The following NCAPH2 variants were observed in gnomAD, a reference collection of about 807,000 sequenced individuals.
The protein encoded by NCAPH2 is condensin-2 complex subunit H2.
NCAPH2 carries 56 observed loss-of-function variants against 88.6 expected under a neutral mutation model. That is an observed-to-expected ratio of 0.63 (90% CI 0.51 to 0.79). The LOEUF is 0.79. Among genes scored for constraint, NCAPH2 ranks in the 30% least tolerant of loss-of-function variants. NCAPH2 has a pLI of 0.00. For synonymous variants in NCAPH2, 378 were observed against 313.6 expected, an observed-to-expected ratio of 1.21 and a Z score of -2.17; for missense variants, 794 against 792.0, an observed-to-expected ratio of 1.00 and a Z score of -0.03.
chr22:50,514,006 T>C (rs1194153455), intron 1 of NCAPH2, among the ~76,000 whole-genome samples: 1 of 152,012 alleles, frequency 6.6e-6, no homozygotes, highest in East Asian at 1.9e-4. Context: ...CTCAGGAAGC[T>C]TAGGCAGGGA....
chr22:50,517,289 A>T, intron 2 of NCAPH2, 138 bp from the exon 3 acceptor site: 1 of 872,892 alleles, frequency 1.1e-6, no homozygotes, highest in South Asian at 1.4e-5. Flanking sequence ...TTATTTTTGG[A>T]ACCAAAATTG....
chr22:50,509,112 T>C (rs9628170), intron 1 of NCAPH2, among the ~76,000 whole-genome samples: 13,963 of 152,174 alleles, frequency 0.092, 2,142 homozygotes, highest in African/African-American at 0.32. Context: ...GGATTTTTTT[T>C]CCCTATTTCA....
chr22:50,524,160 CCT>C lies in NCAPH2; in HGVS notation c.*789_*790del, dbSNP rs1569521573. The C allele has an allele frequency of 1.9e-6, 3 of 1,611,122 alleles. No individual in the cohort carries two copies. Among genetic ancestry groups the C allele is most frequent in the African/African-American group, 1.3e-5 (1 of 75,070 alleles). On this transcript the variant is annotated 3_prime_UTR_variant, in exon 20 of 20. Transcript: ENST00000420993. ...CTTCTGTTCGCTTTTGCTGCTGCAG[CCT>C]CTCCTTCTCAGCCCTCAGGGCCAGC... is the stretch of plus-strand genomic sequence containing the variant.
rs776321596 is a variant in NCAPH2, at chr22:50,523,110, G to T, written c.1621G>T (p.Val541Leu). The change falls in exon 19 of 20, where the codon GTG (valine) becomes TTG (leucine). Residue 541 changes from valine (V) to leucine (L), a missense_variant. Val to Leu is a conservative substitution (Grantham distance 32). Coordinates refer to ENST00000420993, the MANE Select transcript of NCAPH2 (RefSeq NM_152299.4). ...TGAGTGGTGTCCCTTTGCGGAGCTG[G>T]TGGCTGGCCAGCCGGCCTTCGAGGT... ...LNEWCPFAEL[V>L]AGQPAFEVCR... 3 of 1,613,594 alleles carry T rather than the reference G, an allele frequency of 1.9e-6. No individual in the cohort carries two copies. The highest frequency in any genetic ancestry group is 2.5e-6 in the Non-Finnish European group (3 of 1,179,808).
chr22:50,521,185 C>T (rs1023384265), intron 10 of NCAPH2, 149 bp downstream of exon 10: 7 of 835,850 alleles, frequency 8.4e-6, no homozygotes, highest in Middle Eastern at 7.2e-4. Context: ...CCCCCTCATG[C>T]GACTCTGGGC....
chr22:50,523,369 G>A lies in NCAPH2; in HGVS notation c.1812G>A (p.Gln604=). 2 of 1,546,404 alleles carry A rather than the reference G, an allele frequency of 1.3e-6. No homozygotes were observed. Among genetic ancestry groups the A allele is most frequent in the Non-Finnish European group, 1.7e-6 (2 of 1,145,010 alleles). ...CCTACGCTGCCCCCTCCATGGCCCA[G>A]CCCTGAGTGGGGAGCACCGAGGCAG... The part of the protein sequence containing the change: ...FQTYAAPSMA[Q]P The change falls in exon 20 of 20, where the codon CAG becomes CAA. Residue 604 remains glutamine (Q), a synonymous_variant. Transcript: ENST00000420993.
chr22:50,518,607 A>G, intron 7 of NCAPH2, 42 bp from the exon 8 acceptor site: 1 of 1,553,682 alleles, frequency 6.4e-7, no homozygotes, highest in Non-Finnish European at 8.7e-7. Context: ...ACCATCTTGG[A>G]GAGGGGCTGG....
At chr22:50,511,879 C>A (rs1281121063) in intron 1 of NCAPH2, among the ~76,000 whole-genome samples, 1 of 152,106 alleles carries the variant, frequency 6.6e-6, no homozygotes, top group Non-Finnish European at 1.5e-5. Context: ...GGTCTCCTGA[C>A]CTCGTGATCC....
chr22:50,513,524 C>T (rs868766596), intron 1 of NCAPH2, among the ~76,000 whole-genome samples: 29 of 152,170 alleles, frequency 1.9e-4, no homozygotes, highest in Middle Eastern at 3.2e-3. Flanking sequence ...TTTGGGAGGC[C>T]GAGGCAGGAG....
rs773443373 is a variant in NCAPH2, at chr22:50,519,209, G to C, written c.750G>C (p.Pro250=). The change falls in exon 9 of 20, where the codon CCG becomes CCC. Residue 250 remains proline (P), a synonymous_variant. Transcript: ENST00000420993. ...SQEPGPSPEG[P]MPLGGGEDED... ...GCCTAGGCCCCTCTCCAGAAGGCCCGATGCCCCTGGGTGGGGGCGAGGACG... is the reference window on the plus strand; with the variant it reads ...GCCTAGGCCCCTCTCCAGAAGGCCCCATGCCCCTGGGTGGGGGCGAGGACG... 5.0e-6 allele frequency: 8 copies of C among 1,610,246 alleles called. No homozygotes were observed. The Admixed American group carries it at 1.2e-4, about 24-fold the overall frequency.
At chr22:50,508,561 C>T (rs1389232906) in intron 1 of NCAPH2, 116 bp downstream of exon 1, 1 of 702,010 alleles carries the variant, frequency 1.4e-6, no homozygotes, top group Non-Finnish European at 2.1e-6. Flanking sequence ...CTATCTGGCG[C>T]TCTGGCCGCG....
rs754244877 is a variant in NCAPH2 at position 50,518,652 on chromosome 22, C to G, written c.650C>G (p.Thr217Ser). The stretch of plus-strand genomic sequence containing the variant: ...GTCTGATCCCTGTCTCTCCCAGACA[C>G]CGGGAGGACTGAGGAGCAGCCAATG... ...VSPMPGTQKD[T>S]GRTEEQPMEV... Residue 217 changes from threonine (T) to serine (S), a missense_variant, in exon 8 of 20, where the codon ACC (threonine) becomes AGC (serine). Coordinates refer to ENST00000420993, the MANE Select transcript of NCAPH2 (RefSeq NM_152299.4). 6.2e-7 allele frequency: 1 copy of G among 1,606,374 alleles called. No homozygotes were observed. The highest frequency in any genetic ancestry group is 1.7e-5 in the Admixed American group (1 of 59,228).
Position 50,508,547 on chromosome 22 carries a change from A to G in NCAPH2, c.108+102A>G, listed in dbSNP as rs935984478. 4 of 832,486 alleles carry G rather than the reference A, an allele frequency of 4.8e-6. No individual in the cohort carries two copies. The African/African-American group carries it at 5.5e-5, about 11-fold the overall frequency. 51.6% of individuals were successfully genotyped at this position (832,486 alleles called of 1,614,324 possible). A position where few individuals can be genotyped will look rare whatever the true frequency, so the allele number is the denominator to read the frequency against. ...TGGGCGCCCCACCGTCTCCACGCCTATGGCTATCTGGCGCTCTGGCCGCGC... is the reference window on the plus strand; with the variant it reads ...TGGGCGCCCCACCGTCTCCACGCCTGTGGCTATCTGGCGCTCTGGCCGCGC... On this transcript the variant is annotated intron_variant, in intron 1 of 19. Transcript: ENST00000420993.
At chr22:50,516,704 A>C (rs974587171) in intron 2 of NCAPH2, among the ~76,000 whole-genome samples, 156 bp downstream of exon 2, 1 of 152,138 alleles carries the variant, frequency 6.6e-6, no homozygotes, top group African/African-American at 2.4e-5. Flanking sequence ...CAACACCAAG[A>C]ACAATTTTTA....
chr22:50,516,681 C>T (rs1016878066), intron 2 of NCAPH2, 133 bp downstream of exon 2: 5 of 709,382 alleles, frequency 7.0e-6, no homozygotes, highest in Non-Finnish European at 1.2e-5. Flanking sequence ...TCAGCCAATT[C>T]CTCAGCACCT....
Position 50,521,859 on chromosome 22 carries a change from G to A in NCAPH2, c.1108+11G>A. On this transcript the variant is annotated intron_variant, in intron 12 of 19. Transcript: ENST00000420993. The stretch of plus-strand genomic sequence containing the variant: ...GGTACCTGGCTGCCTGTGAGTGGGT[G>A]TGGTGTGCACTCCGGACCACTGGGA... The A allele has an allele frequency of 6.2e-7, 1 of 1,613,800 alleles. No individual in the cohort carries two copies. Among genetic ancestry groups the A allele is most frequent in the Non-Finnish European group, 8.5e-7 (1 of 1,179,936 alleles).
In NCAPH2 at chr22:50,523,501, A is replaced by C; in HGVS notation, c.*126A>C. 6.5e-7 allele frequency: 1 copy of C among 1,541,320 alleles called. No individual in the cohort carries two copies. The highest frequency in any genetic ancestry group is 2.2e-4 in the Middle Eastern group (1 of 4,564). ...TCCCCCTAAAAACCCTTTTATGTAC[A>C]CCTGCGCAGAGAAGAGGGCTGCCTG... is the stretch of plus-strand genomic sequence containing the variant. On this transcript the variant is annotated 3_prime_UTR_variant, in exon 20 of 20. Coordinates refer to ENST00000420993, the MANE Select transcript of NCAPH2 (RefSeq NM_152299.4).
At chr22:50,518,821 T>A in intron 8 of NCAPH2, 89 bp downstream of exon 8, 2 of 1,249,980 alleles carry the variant, frequency 1.6e-6, no homozygotes, top group Non-Finnish European at 2.2e-6. Context: ...TCCAAGGGGC[T>A]GCTCTCAGCT....
At chr22:50,521,114 T>C in intron 10 of NCAPH2, 78 bp downstream of exon 10, 1 of 1,485,720 alleles carries the variant, frequency 6.7e-7, no homozygotes, top group Admixed American at 2.0e-5. Context: ...CATCATGCTC[T>C]TGCTCCTGCT....
Sources: allele counts gnomAD v4.1 joint callset (sites outside exome capture counted in the v4.1 genomes callset), GRCh38; gene constraint gnomAD v4.1.1; transcripts MANE v1.5; gene names NCBI Gene and HGNC (gene_info 2026-07-23, HGNC 2026-07-21).